NCALD: variants seen among roughly 807,000 people sequenced by gnomAD.
NCALD encodes neurocalcin-delta.
Under a neutral mutation model 18.6 loss-of-function variants are expected in NCALD, and 10 were observed. The ratio of observed to expected loss-of-function variants is 0.54; its 90% CI spans 0.33 to 0.91. The LOEUF is 0.91. Among genes scored for constraint, NCALD ranks in the 40% least tolerant of loss-of-function variants. NCALD has a pLI of 0.03. For missense variants in NCALD, 184 were observed against 247.6 expected (o/e 0.74, Z 1.72); for synonymous variants, 88 against 87.4 (o/e 1.01, Z -0.04).
intron 2 of NCALD, among the ~76,000 whole-genome samples, chr8:101,979,794 C>A (rs1020780251): frequency 2.0e-5 from 3 of 152,176 alleles, no homozygotes; most frequent in Admixed American, 6.5e-5. Context: ...AAATCCCTAT[C>A]GACAGTGTTA....
At chr8:102,014,786 G>A (rs1016525111) in intron 2 of NCALD, among the ~76,000 whole-genome samples, 3 of 151,658 alleles carry the variant, frequency 2.0e-5, no homozygotes, top group African/African-American at 7.3e-5. Flanking sequence ...ATACAAAGTC[G>A]ACTGCAAAAA....
intron 2 of NCALD, among the ~76,000 whole-genome samples, chr8:101,695,573 G>C (rs137883060): frequency 1.3e-5 from 2 of 152,004 alleles, no homozygotes; most frequent in African/African-American, 2.4e-5. Flanking sequence ...CCTCCTCCTT[G>C]GACTCTTACC....
rs185250231 is a variant in NCALD, at chr8:102,113,034, C to T, written c.-210+11203G>A. The stretch of plus-strand genomic sequence containing the variant: ...AGTCTCACTTATTCCATTATAGCAA[C>T]GCAAAATGGACCAAGACAGAAGCTA... On this transcript the variant is annotated intron_variant, in intron 1 of 6. Transcript: ENST00000311028. 4.5e-4 allele frequency among the ~76,000 whole-genome samples: 68 copies of T among 152,068 alleles called. No homozygotes were observed. The East Asian group carries it at 0.011, about 25-fold the overall frequency.
intron 1 of NCALD, among the ~76,000 whole-genome samples, chr8:102,061,203 G>C (rs1278731479): frequency 6.6e-6 from 1 of 152,188 alleles, no homozygotes; most frequent in African/African-American, 2.4e-5. Context: ...AATGAGCAGG[G>C]AGAAAGCATC....
Position 101,967,518 on chromosome 8 carries a change from T to G in NCALD, c.-156-51660A>C, listed in dbSNP as rs114873353. 2.5e-3 allele frequency among the ~76,000 whole-genome samples: 382 copies of G among 152,264 alleles called. 3 individuals carry two copies. The highest frequency in any genetic ancestry group is 8.7e-3 in the African/African-American group (363 of 41,550). ...TAGTCAGATGTGGCTACTGTCTCTT[T>G]GCAGAGGAGAAGGTAGAAAGTCGAA... On this transcript the variant is annotated intron_variant, in intron 2 of 6. Transcript: ENST00000311028.
intron 1 of NCALD, among the ~76,000 whole-genome samples, chr8:102,096,363 A>G (rs1825099328): frequency 6.6e-6 from 1 of 152,182 alleles, no homozygotes; most frequent in Non-Finnish European, 1.5e-5. Flanking sequence ...CCAGTATTGG[A>G]TCAGGGCCCA....
chr8:101,716,749 G>C (rs1005273328), intron 2 of NCALD, among the ~76,000 whole-genome samples: 5 of 152,190 alleles, frequency 3.3e-5, no homozygotes, highest in African/African-American at 1.2e-4. Context: ...TAAGAATATT[G>C]AGATGGAAGG....
intron 3 of NCALD, chr8:101,690,798 A>G: frequency 1.0e-6 from 1 of 985,400 alleles, no homozygotes. Context: ...TTACAATGGT[A>G]ATGACTTCCT....
At chr8:102,104,326 T>C (rs1026730216) in intron 1 of NCALD, among the ~76,000 whole-genome samples, 2 of 152,168 alleles carry the variant, frequency 1.3e-5, no homozygotes, top group Non-Finnish European at 2.9e-5. Context: ...GTCATTTTAA[T>C]GCCAGAACAG....
At chr8:101,849,616 C>T (rs1441895913) in intron 4 of NCALD, among the ~76,000 whole-genome samples, 2 of 152,100 alleles carry the variant, frequency 1.3e-5, no homozygotes, top group Non-Finnish European at 2.9e-5. Context: ...TTAACACAGC[C>T]AGATGATGGT....
intron 1 of NCALD, among the ~76,000 whole-genome samples, chr8:102,027,201 C>T (rs188195603): frequency 6.6e-5 from 10 of 152,356 alleles, no homozygotes; most frequent in East Asian, 3.9e-4. Context: ...GTTACTTATG[C>T]GAATTTCTGC....
At chr8:101,939,481 T>G (rs1818877741) in intron 2 of NCALD, among the ~76,000 whole-genome samples, 1 of 152,242 alleles carries the variant, frequency 6.6e-6, no homozygotes, top group Non-Finnish European at 1.5e-5. Flanking sequence ...TAATGATTGT[T>G]TTTAATTAAT....
intron 4 of NCALD, among the ~76,000 whole-genome samples, chr8:101,805,989 T>C (rs1053587092): frequency 6.6e-6 from 1 of 152,036 alleles, no homozygotes; most frequent in African/African-American, 2.4e-5. Context: ...CAGCTGGGTG[T>C]GATATCAAAT....
At chr8:101,932,058 T>C (rs1818595337) in intron 2 of NCALD, among the ~76,000 whole-genome samples, 1 of 152,132 alleles carries the variant, frequency 6.6e-6, no homozygotes, top group South Asian at 2.1e-4. Context: ...CACCTTGAGC[T>C]CCCTAAGCTA....
chr8:101,895,084 C>A (rs1446526410), intron 3 of NCALD, among the ~76,000 whole-genome samples: 5 of 150,706 alleles, frequency 3.3e-5, no homozygotes, highest in Admixed American at 1.3e-4. Flanking sequence ...ATACCAATAT[C>A]CTTGATGAAC....
At chr8:101,769,963 G>A (rs1294651418) in intron 1 of NCALD, among the ~76,000 whole-genome samples, 4 of 152,090 alleles carry the variant, frequency 2.6e-5, no homozygotes, top group Admixed American at 6.6e-5. Context: ...GCTCAGAGAC[G>A]GAATTCTAAC....
At chr8:101,874,328 G>C (rs542917476) in intron 4 of NCALD, among the ~76,000 whole-genome samples, 1 of 152,232 alleles carries the variant, frequency 6.6e-6, no homozygotes, top group African/African-American at 2.4e-5. Context: ...TTTTAATGGA[G>C]GAGAAAATCT....
chr8:101,886,080 G>A (rs1001555859), intron 4 of NCALD, among the ~76,000 whole-genome samples: 1 of 151,906 alleles, frequency 6.6e-6, no homozygotes, highest in Non-Finnish European at 1.5e-5. Context: ...AATGCCATGA[G>A]GGAAAAAAAA....
intron 1 of NCALD, among the ~76,000 whole-genome samples, chr8:101,742,039 G>A (rs1468797022): frequency 2.0e-5 from 3 of 151,108 alleles, no homozygotes; most frequent in African/African-American, 4.9e-5. Flanking sequence ...GGATCACGAG[G>A]TCAGGAGTTT....
Sources: gnomAD v4.1 joint callset for allele counts (sites outside exome capture counted in the v4.1 genomes callset) on GRCh38, gnomAD v4.1.1 for gene constraint, MANE v1.5 for transcripts, NCBI Gene and HGNC (gene_info 2026-07-23, HGNC 2026-07-21) for gene names.